Variants in SHQ1 observed in about 807,000 individuals in gnomAD.
SHQ1 encodes protein SHQ1 homolog.
A neutral mutation model predicts 53.8 loss-of-function variants in SHQ1; 49 were observed. The observed-to-expected ratio is 0.91, with a 90% confidence interval of 0.72 to 1.16. The LOEUF is 1.16. SHQ1 is among the 50% of genes most tolerant of loss of function. SHQ1 has a pLI of 0.00. For synonymous variants in SHQ1, 243 were observed against 251.0 expected (o/e 0.97, Z 0.30); for missense variants, 738 against 683.1 (o/e 1.08, Z -0.90).
At chr3:72,737,373 C>T in the SHQ1 span, among the ~76,000 whole-genome samples, 1 of 151,822 alleles carries the variant, frequency 6.6e-6, no homozygotes, top group African/African-American at 2.4e-5. Context: ...AGGCAGGAAC[C>T]CTCTGAAGGC....
At chr3:72,769,836 G>A (rs1025005962) in intron 10 of SHQ1, among the ~76,000 whole-genome samples, 2 of 152,070 alleles carry the variant, frequency 1.3e-5, no homozygotes, top group Non-Finnish European at 2.9e-5. Context: ...TTCTGAAGTC[G>A]GCAAACAACT....
At chr3:72,740,197 G>A in the SHQ1 span, among the ~76,000 whole-genome samples, 14 of 152,186 alleles carry the variant, frequency 9.2e-5, no homozygotes, top group African/African-American at 3.4e-4. Flanking sequence ...AAGCCAACCA[G>A]CCATCCCATT....
chr3:72,813,630 A>G (rs541920236), intron 8 of SHQ1, among the ~76,000 whole-genome samples: 240 of 151,730 alleles, frequency 1.6e-3, no homozygotes, highest in Non-Finnish European at 2.8e-3. Context: ...GCGTGGTGGC[A>G]GGTGCCTGTA....
chr3:72,760,627 T>A (rs1242614728), intron 10 of SHQ1, among the ~76,000 whole-genome samples: 1 of 152,210 alleles, frequency 6.6e-6, no homozygotes, highest in Non-Finnish European at 1.5e-5. Flanking sequence ...AAAGGGCTCT[T>A]CTCTCTCATC....
At chr3:72,759,275 C>A (rs1353995833) in intron 10 of SHQ1, among the ~76,000 whole-genome samples, 1 of 152,136 alleles carries the variant, frequency 6.6e-6, no homozygotes, top group South Asian at 2.1e-4. Flanking sequence ...ACACAGTACA[C>A]CCTGTAGAGC....
chr3:72,779,765 C>T (rs1304659847), intron 10 of SHQ1, among the ~76,000 whole-genome samples: 3 of 152,176 alleles, frequency 2.0e-5, no homozygotes, highest in Non-Finnish European at 2.9e-5. Context: ...ACTCTCATGC[C>T]CAAGCCTCAA....
At chr3:72,735,592 T>C in the SHQ1 span, among the ~76,000 whole-genome samples, 1 of 142,628 alleles carries the variant, frequency 7.0e-6, no homozygotes, top group Non-Finnish European at 1.5e-5. Context: ...GCAGGGGTTG[T>C]GGGTACCAAG....
intron 9 of SHQ1, 33 bp downstream of exon 9, chr3:72,812,638 C>T: frequency 6.2e-7 from 1 of 1,603,618 alleles, no homozygotes; most frequent in Non-Finnish European, 8.5e-7. Context: ...CAACTTTTTC[C>T]CTCCCAAATT....
intron 7 of SHQ1, among the ~76,000 whole-genome samples, chr3:72,816,107 C>G (rs1323553823): frequency 6.6e-6 from 1 of 152,048 alleles, no homozygotes; most frequent in Non-Finnish European, 1.5e-5. Context: ...TGGAGTCAGA[C>G]ACAAATGTCA....
intron 6 of SHQ1, 148 bp downstream of exon 6, chr3:72,824,276 G>T: frequency 1.1e-6 from 1 of 920,316 alleles, no homozygotes. Context: ...CAGGGGCAAA[G>T]AAGTCATTTC....
chr3:72,806,067 A>C (rs62252362), intron 9 of SHQ1, among the ~76,000 whole-genome samples: 3,116 of 152,094 alleles, frequency 0.02, 96 homozygotes, highest in African/African-American at 0.069. Context: ...TTCTATACAG[A>C]GTTATAAGTA....
At chr3:72,756,256 T>C (rs1047152275) in intron 10 of SHQ1, among the ~76,000 whole-genome samples, 2 of 152,126 alleles carry the variant, frequency 1.3e-5, no homozygotes. Flanking sequence ...TTATAGTATA[T>C]GTTTTTTGTT....
intron 10 of SHQ1, among the ~76,000 whole-genome samples, chr3:72,759,687 G>C (rs926181060): frequency 1.3e-5 from 2 of 152,002 alleles, no homozygotes; most frequent in African/African-American, 4.8e-5. Context: ...GGAGACTCTT[G>C]TGTCAAAAAA....
intron 10 of SHQ1, among the ~76,000 whole-genome samples, chr3:72,774,622 T>C (rs1385949692): frequency 6.6e-6 from 1 of 152,128 alleles, no homozygotes; most frequent in African/African-American, 2.4e-5. Flanking sequence ...GTAATGAAAA[T>C]TCAGTACATT....
chr3:72,820,634 G>A (rs938090092), intron 6 of SHQ1, among the ~76,000 whole-genome samples: 5 of 152,190 alleles, frequency 3.3e-5, no homozygotes, highest in Non-Finnish European at 7.3e-5. Flanking sequence ...TACAGATGCA[G>A]TGCCAACAAT....
chr3:72,833,527 TGATAGACA>T (rs1553698067), intron 4 of SHQ1, among the ~76,000 whole-genome samples: 11 of 133,212 alleles, frequency 8.3e-5, no homozygotes, highest in Non-Finnish European at 1.8e-4. Flanking sequence ...GATAGATGGA[TGATAGACA>T]GATAGATAGA....
chr3:72,829,044 GA>G (rs775935321), intron 5 of SHQ1, among the ~76,000 whole-genome samples: 3,593 of 134,296 alleles, frequency 0.027, 81 homozygotes, highest in Middle Eastern at 0.063. Flanking sequence ...CTGATGAAGT[GA>G]AAAAAAAAAA....
At chr3:72,726,209 C>A in the SHQ1 span, among the ~76,000 whole-genome samples, 1 of 152,186 alleles carries the variant, frequency 6.6e-6, no homozygotes, top group African/African-American at 2.4e-5. Flanking sequence ...AAAGGCATAG[C>A]AAAGACTCCC....
rs566448249 is a variant in SHQ1 at position 72,818,278 on chromosome 3, T to C, written c.728-894A>G. ...TATAATATTCCAAAATGTACCATGC[T>C]CTGTCCAATCACTCCCCCTACTGAT... On this transcript the variant is annotated intron_variant, in intron 6 of 10. Transcript: ENST00000325599. Among the ~76,000 whole-genome samples, 10 of 152,228 alleles carry C rather than the reference T, an allele frequency of 6.6e-5. No individual in the cohort carries two copies. In the South Asian group the frequency reaches 2.1e-3, roughly 32 times the overall value.
Sources: allele counts gnomAD v4.1 joint callset (sites outside exome capture counted in the v4.1 genomes callset), GRCh38; gene constraint gnomAD v4.1.1; transcripts MANE v1.5; gene names NCBI Gene and HGNC (gene_info 2026-07-23, HGNC 2026-07-21).